CLIP4: variants seen among roughly 807,000 people sequenced by gnomAD.
CLIP4 encodes the protein CAP-Gly domain containing linker protein family member 4, also known as CAP-Gly domain-containing linker protein 4.
In CLIP4, 47 loss-of-function variants were observed where a neutral mutation model predicts 73.1. The ratio of observed to expected loss-of-function variants is 0.64; its 90% CI spans 0.51 to 0.82. The LOEUF (loss-of-function observed/expected upper bound fraction) is 0.82. Among genes scored for constraint, CLIP4 ranks in the 40% least tolerant of loss-of-function variants. The pLI is 0.00. For synonymous variants in CLIP4, 306 were observed against 295.4 expected (o/e 1.04, Z -0.37); for missense variants, 874 against 852.9 (o/e 1.02, Z -0.31).
At chr2:29,144,317 C>G (rs1665995939) in intron 7 of CLIP4, among the ~76,000 whole-genome samples, 1 of 152,078 alleles carries the variant, frequency 6.6e-6, no homozygotes, top group Non-Finnish European at 1.5e-5. Flanking sequence ...GCACAGGAGA[C>G]CCTTGCTGTT....
intron 1 of CLIP4, among the ~76,000 whole-genome samples, chr2:29,108,416 C>T (rs534782046): frequency 1.3e-5 from 2 of 152,274 alleles, no homozygotes; most frequent in South Asian, 4.1e-4. Flanking sequence ...AGGGATGATT[C>T]AGATCCCAGG....
chr2:29,127,499 G>A (rs2148477095), intron 2 of CLIP4, among the ~76,000 whole-genome samples: 1 of 152,238 alleles, frequency 6.6e-6, no homozygotes, highest in Middle Eastern at 3.4e-3. Context: ...AGGGAAAAGA[G>A]AAAAGGCATT....
upstream of CLIP4, among the ~76,000 whole-genome samples, chr2:29,113,643 G>A (rs1668439857): frequency 6.6e-6 from 1 of 152,198 alleles, no homozygotes; most frequent in Non-Finnish European, 1.5e-5. This position sits in a 1 kb window ranked among gnomAD's most constrained non-coding sequence, Gnocchi z 4.0. Context: ...AAAGCCAGTG[G>A]CCTGGCTGGT....
In CLIP4 at chr2:29,117,344, G is replaced by GTT. The variant is rs34002777; in HGVS notation, c.-16+1690_-16+1691dup. ...TTCTCTCTCTCTTTTTTTTGTTTTT[G>GTT]TTTTTTTTTTTTGAGACGGAGTCTC... On this transcript the variant is annotated intron_variant, in intron 1 of 15. Coordinates refer to ENST00000320081, the MANE Select transcript of CLIP4 (RefSeq NM_024692.6). 6.3e-5 allele frequency among the ~76,000 whole-genome samples: 9 copies of GTT among 141,776 alleles called. No individual in the cohort carries two copies. The East Asian group carries it at 8.1e-4, about 13-fold the overall frequency. 93.0% of individuals were successfully genotyped at this position (141,776 alleles called of 152,430 possible).
chr2:29,115,419 C>A lies in CLIP4; in HGVS notation c.-262C>A, dbSNP rs1425437399. 6.6e-6 allele frequency: 1 copy of A among 150,808 alleles called. No individual in the cohort carries two copies. Among genetic ancestry groups the A allele is most frequent in the African/African-American group, 2.4e-5 (1 of 41,242 alleles). The allele number at this position is 150,808 out of a possible 1,614,324, so 9.3% of individuals were successfully genotyped here. A position where few individuals can be genotyped will look rare whatever the true frequency, so the allele number is the denominator to read the frequency against. On this transcript the variant is annotated 5_prime_UTR_variant, in exon 1 of 16. Coordinates refer to ENST00000320081, the MANE Select transcript of CLIP4 (RefSeq NM_024692.6). The surrounding 1 kb of genome is among the most constrained non-coding windows in gnomAD (Gnocchi z 5.1). ...CAGGCGCGCGCTGCCTCCTCCGTCC[C>A]CACCGAGTCCCCAGCGCGTGCGCGG...
intron 1 of CLIP4, among the ~76,000 whole-genome samples, chr2:29,116,132 G>T (rs76440725): frequency 1.8e-4 from 27 of 152,340 alleles, no homozygotes; most frequent in Non-Finnish European, 2.4e-4. Flanking sequence ...AAACCAAATG[G>T]CTGTCCTTGC....
chr2:29,118,449 T>TG (rs1664019071), intron 1 of CLIP4: 1 of 152,134 alleles, frequency 6.6e-6, no homozygotes, highest in Admixed American at 6.6e-5. Flanking sequence ...AATCAGAGTT[T>TG]GGGGAATTTG....
chr2:29,150,714 C>T (rs1666504597), intron 8 of CLIP4, among the ~76,000 whole-genome samples: 1 of 146,196 alleles, frequency 6.8e-6, no homozygotes, highest in East Asian at 2.0e-4. Flanking sequence ...GCAGTGGCCT[C>T]CCAGGTTCAA....
At chr2:29,102,218 C>T (rs903301435) in intron 1 of CLIP4, among the ~76,000 whole-genome samples, 23 of 152,046 alleles carry the variant, frequency 1.5e-4, no homozygotes, top group Non-Finnish European at 3.4e-4. Flanking sequence ...CATAAAATAC[C>T]CTATTTTTCT....
At chr2:29,162,528 G>T (rs972214683) in intron 12 of CLIP4, among the ~76,000 whole-genome samples, 1 of 152,194 alleles carries the variant, frequency 6.6e-6, no homozygotes, top group East Asian at 1.9e-4. Flanking sequence ...TATTTCTGCT[G>T]TATGCTACAT....
intron 8 of CLIP4, among the ~76,000 whole-genome samples, chr2:29,150,118 C>A (rs1320223748): frequency 1.3e-5 from 2 of 152,212 alleles, no homozygotes; most frequent in South Asian, 4.1e-4. Context: ...AGAAAGCCAA[C>A]ATGCTACATC....
intron 9 of CLIP4, among the ~76,000 whole-genome samples, chr2:29,155,017 A>G (rs1003983412): frequency 7.2e-5 from 11 of 152,230 alleles, no homozygotes; most frequent in Non-Finnish European, 1.3e-4. Context: ...AAAATTACCC[A>G]AAATATGAAA....
intron 1 of CLIP4, among the ~76,000 whole-genome samples, chr2:29,101,221 C>CAG (rs1316619934): frequency 6.8e-6 from 1 of 146,484 alleles, no homozygotes; most frequent in Non-Finnish European, 1.5e-5. Context: ...AACCAGGAGG[C>CAG]AGAGGTTGCA....
At chr2:29,179,131 G>A (rs1278456363) in intron 15 of CLIP4, among the ~76,000 whole-genome samples, 2 of 152,158 alleles carry the variant, frequency 1.3e-5, no homozygotes, top group South Asian at 2.1e-4. Context: ...GTCTTTATTT[G>A]CAGTTTATTT....
intron 5 of CLIP4, 112 bp downstream of exon 5, chr2:29,133,928 CT>C (rs1048656110): frequency 1.3e-5 from 11 of 816,470 alleles, no homozygotes; most frequent in Admixed American, 9.7e-5. Flanking sequence ...TTTCATATGC[CT>C]TTCTACTCCA....
chr2:29,103,239 A>G (rs1044554249), intron 1 of CLIP4, among the ~76,000 whole-genome samples: 1 of 152,106 alleles, frequency 6.6e-6, no homozygotes, highest in Non-Finnish European at 1.5e-5. Flanking sequence ...AATATGGGAC[A>G]TATACTAAAA....
At chr2:29,112,187 T>C (rs1668400865), upstream of CLIP4, among the ~76,000 whole-genome samples, 1 of 152,230 alleles carries the variant, frequency 6.6e-6, no homozygotes, top group Admixed American at 6.5e-5. Context: ...ACATAATATC[T>C]GGCATGGCAG....
At chr2:29,143,134 G>A (rs1232395968) in intron 6 of CLIP4, among the ~76,000 whole-genome samples, 1 of 152,236 alleles carries the variant, frequency 6.6e-6, no homozygotes, top group Non-Finnish European at 1.5e-5. Flanking sequence ...TGGATCTGGG[G>A]CTGGGAAGCG....
At position 29,163,832 on chromosome 2, in the gene CLIP4, A is replaced by T; in HGVS notation, c.1536A>T (p.Gly512=). ...RFFGTTNFAP[G]YWYGIELEKP... is the part of the protein sequence containing the mutation. ...TGAAATGCAATATTCATGTTCTAGG[A>T]TATTGGTATGGTATAGAGCTTGAAA... The change falls in exon 13 of 16, where the codon GGA becomes GGT. Residue 512 remains glycine (G), a splice_region_variant and synonymous_variant. Coordinates refer to ENST00000320081, the MANE Select transcript of CLIP4 (RefSeq NM_024692.6). 1 of 1,611,444 alleles carries T rather than the reference A, an allele frequency of 6.2e-7. No homozygotes were observed. Among genetic ancestry groups the T allele is most frequent in the Non-Finnish European group, 8.5e-7 (1 of 1,179,016 alleles).
Sources: gnomAD v4.1 joint callset for allele counts (sites outside exome capture counted in the v4.1 genomes callset) on GRCh38, gnomAD v4.1.1 for gene constraint, Gnocchi (gnomAD v3.1) non-coding constraint, MANE v1.5 for transcripts, NCBI Gene and HGNC (gene_info 2026-07-23, HGNC 2026-07-21) for gene names.